Variants in GPC6 observed in about 807,000 individuals in gnomAD.
The protein encoded by GPC6 is glypican 6, also known as glypican-6.
GPC6 carries 14 observed loss-of-function variants against 55.2 expected under a neutral mutation model. The ratio of observed to expected loss-of-function variants is 0.25; its 90% CI spans 0.17 to 0.40. The LOEUF (loss-of-function observed/expected upper bound fraction) is 0.40, where lower values mean the gene tolerates loss of function less well. Among genes scored for constraint, GPC6 ranks in the 10% least tolerant of loss-of-function variants. GPC6 has a pLI of 1.00. For synonymous variants in GPC6, 278 were observed against 259.6 expected, an observed-to-expected ratio of 1.07 and a Z score of -0.68; for missense variants, 641 against 708.5, an observed-to-expected ratio of 0.90 and a Z score of 1.08.
chr13:94,385,632 C>CTT (rs56225222), intron 7 of GPC6, among the ~76,000 whole-genome samples: 12,131 of 151,768 alleles, frequency 0.08, 637 homozygotes, highest in East Asian at 0.28. Context: ...TCCTTTAGTT[C>CTT]TTTTTTTTAA....
chr13:94,021,997 C>T (rs1274230293), intron 3 of GPC6, among the ~76,000 whole-genome samples: 1 of 151,896 alleles, frequency 6.6e-6, no homozygotes, highest in Non-Finnish European at 1.5e-5. Flanking sequence ...AGGTATATAT[C>T]ATGATGTTTA....
At chr13:93,889,660 A>G (rs538062020) in intron 3 of GPC6, among the ~76,000 whole-genome samples, 2 of 152,232 alleles carry the variant, frequency 1.3e-5, no homozygotes, top group South Asian at 2.1e-4. Flanking sequence ...TTCATTTTCC[A>G]TTGAGCACCT....
upstream of GPC6, among the ~76,000 whole-genome samples, chr13:93,224,065 A>T (rs2138991025): frequency 6.6e-6 from 1 of 151,442 alleles, no homozygotes; most frequent in Non-Finnish European, 1.5e-5. Flanking sequence ...CACCCGTCTA[A>T]TTTTTTGTAT....
chr13:93,611,868 T>C (rs1232739058), intron 2 of GPC6, among the ~76,000 whole-genome samples: 1 of 152,222 alleles, frequency 6.6e-6, no homozygotes, highest in Non-Finnish European at 1.5e-5. Flanking sequence ...TCTGACATGA[T>C]TGTTTAGATC....
intron 1 of GPC6, among the ~76,000 whole-genome samples, chr13:93,312,425 C>T (rs577293497): frequency 6.6e-6 from 1 of 152,214 alleles, no homozygotes; most frequent in Non-Finnish European, 1.5e-5. Flanking sequence ...ATTATCTAAG[C>T]AAGAAAGCCT....
At chr13:94,222,788 G>A (rs1006221029) in intron 4 of GPC6, among the ~76,000 whole-genome samples, 3 of 152,068 alleles carry the variant, frequency 2.0e-5, no homozygotes, top group African/African-American at 7.2e-5. Context: ...TTCTCTGGCT[G>A]AAGGTCCAGT....
At chr13:94,168,861 G>A (rs926394980) in intron 4 of GPC6, among the ~76,000 whole-genome samples, 2 of 152,040 alleles carry the variant, frequency 1.3e-5, no homozygotes, top group South Asian at 2.1e-4. Context: ...CGTGGGCCCT[G>A]GGTGCTGTGG....
In GPC6 at chr13:94,398,656, C is replaced by A; in HGVS notation, c.1465+15C>A. ...CCAGGACACAAGTAAGAAAATCCTT[C>A]CCAGCACCAGAAATTTTCAAAGTAA... is the stretch of plus-strand genomic sequence containing the variant. On this transcript the variant is annotated intron_variant, in intron 8 of 8. Transcript: ENST00000377047. The A allele has an allele frequency of 6.2e-7, 1 of 1,611,964 alleles. No individual in the cohort carries two copies. Among genetic ancestry groups the A allele is most frequent in the South Asian group, 1.1e-5 (1 of 91,020 alleles).
intron 1 of GPC6, among the ~76,000 whole-genome samples, chr13:93,272,454 A>G (rs1284328639): frequency 6.7e-6 from 1 of 149,352 alleles, no homozygotes; most frequent in African/African-American, 2.5e-5. Context: ...CTGAAATTTG[A>G]GAGGAAATTG....
At chr13:94,092,652 C>A (rs534601050) in intron 4 of GPC6, among the ~76,000 whole-genome samples, 3 of 151,932 alleles carry the variant, frequency 2.0e-5, no homozygotes, top group Non-Finnish European at 4.4e-5. Context: ...GACCTAGAAC[C>A]GGGATTGCTA....
chr13:93,667,280 A>C (rs1157491411), intron 2 of GPC6, among the ~76,000 whole-genome samples: 1 of 152,190 alleles, frequency 6.6e-6, no homozygotes, highest in Non-Finnish European at 1.5e-5. Flanking sequence ...AATTATTGCT[A>C]GAATACTTCA....
chr13:93,907,565 AAAT>A (rs1876737519), intron 3 of GPC6, among the ~76,000 whole-genome samples: 1 of 152,144 alleles, frequency 6.6e-6, no homozygotes, highest in African/African-American at 2.4e-5. Flanking sequence ...TTCCTTTATC[AAAT>A]AATACTTGGA....
chr13:93,270,742 C>G (rs754721991), intron 1 of GPC6, among the ~76,000 whole-genome samples: 2 of 147,212 alleles, frequency 1.4e-5, no homozygotes, highest in Non-Finnish European at 3.0e-5. Context: ...AAAAAAGCTC[C>G]AAGTGGACAG....
Position 94,180,193 on chromosome 13 carries a change from G to A in GPC6, c.878-106156G>A, listed in dbSNP as rs75738645. On this transcript the variant is annotated intron_variant, in intron 4 of 8. Coordinates refer to ENST00000377047, the MANE Select transcript of GPC6 (RefSeq NM_005708.5). ...TATTAGAAAGATAAGGGAGAACCAC[G>A]GAGGGCTTTACACAGACACATCCTA... Among the ~76,000 whole-genome samples the A allele has an allele frequency of 1.7e-4, 26 of 152,230 alleles. No individual in the cohort carries two copies. In the East Asian group the frequency reaches 2.7e-3, roughly 16 times the overall value.
intron 8 of GPC6, among the ~76,000 whole-genome samples, chr13:94,399,234 C>T (rs1163037193): frequency 6.6e-6 from 1 of 152,152 alleles, no homozygotes; most frequent in African/African-American, 2.4e-5. Context: ...CCTCTCTATC[C>T]AGCTATGCAC....
chr13:94,402,183 A>G (rs964215330), intron 8 of GPC6, among the ~76,000 whole-genome samples: 2 of 152,194 alleles, frequency 1.3e-5, no homozygotes, highest in Non-Finnish European at 2.9e-5. Context: ...ACCTCTCACT[A>G]CTATTGCTGC....
intron 2 of GPC6, among the ~76,000 whole-genome samples, chr13:93,682,849 A>AG (rs1881901264): frequency 1.3e-5 from 2 of 150,872 alleles, no homozygotes; most frequent in Non-Finnish European, 3.0e-5. Context: ...CTCTACAAAA[A>AG]AAAAAAAAAA....
At chr13:94,038,367 T>C (rs1044410761) in intron 4 of GPC6, among the ~76,000 whole-genome samples, 1 of 151,952 alleles carries the variant, frequency 6.6e-6, no homozygotes. Context: ...AGACCTAGAC[T>C]AGGCACATAC....
intron 3 of GPC6, among the ~76,000 whole-genome samples, chr13:94,017,650 A>T (rs1405589482): frequency 6.6e-6 from 1 of 152,022 alleles, no homozygotes; most frequent in Non-Finnish European, 1.5e-5. Context: ...GTAATCTGTG[A>T]GCAGAGAGAG....
Sources: gnomAD v4.1 joint callset for allele counts (sites outside exome capture counted in the v4.1 genomes callset) on GRCh38, gnomAD v4.1.1 for gene constraint, MANE v1.5 for transcripts, NCBI Gene and HGNC (gene_info 2026-07-23, HGNC 2026-07-21) for gene names.